The following TTN variants were observed in gnomAD, a reference collection of about 807,000 sequenced individuals.
TTN encodes connectin.
TTN carries 1,525 observed loss-of-function variants against 3,223.0 expected under a neutral mutation model. The observed-to-expected ratio is 0.47, with a 90% CI of 0.45 to 0.49. The LOEUF (loss-of-function observed/expected upper bound fraction) is 0.49, where lower values mean the gene tolerates loss of function less well. Ranked by LOEUF, TTN falls within the 20% of genes least tolerant of loss-of-function variation. The probability of loss-of-function intolerance (pLI) is 0.00; values close to 1 mark genes in which losing one functional copy is unlikely to be tolerated. For missense variants in TTN, 40,786 were observed against 43,424.0 expected (o/e 0.94, Z 5.40); for synonymous variants, 14,094 against 15,161.0 (o/e 0.93, Z 5.17).
intron 47 of TTN, chr2:178,746,628 C>T (rs771226007): frequency 9.3e-6 from 15 of 1,613,158 alleles, no homozygotes; most frequent in Admixed American, 1.7e-5. Context: ...ATGATGTTTA[C>T]AGCATGACAC....
chr2:178,584,973 A>G lies in TTN; in HGVS notation c.64673-5T>C, dbSNP rs530496528. 27 of 1,612,146 alleles carry G rather than the reference A, an allele frequency of 1.7e-5. No homozygotes were observed. Among genetic ancestry groups the G allele is most frequent in the African/African-American group, 2.7e-5 (2 of 74,772 alleles). On this transcript the variant is annotated splice_polypyrimidine_tract_variant and splice_region_variant and intron_variant, in intron 309 of 362. Transcript: ENST00000589042. ...GCTGAGGGGGGCCGGGGGCATCTAC[A>G]TGAACCAAGAGGAAAGAAATGTAAG...
Position 178,618,329 on chromosome 2 carries a change from C to T in TTN, c.47129G>A (p.Arg15710His), listed in dbSNP as rs185689179. Residue 15710 changes from arginine (R) to histidine (H), a missense_variant, in exon 252 of 363, where the codon CGT (arginine) becomes CAT (histidine). By Grantham distance (29) the Arg-to-His change is conservative. Transcript: ENST00000589042. Reference protein sequence around the residue: ...KRKTWVLATDRAESCEFTVTG... With the variant: ...KRKTWVLATDHAESCEFTVTG... Reference sequence around the variant, plus strand: ...GACAGTAAACTCACAACTCTCTGCACGGTCTGTGGCCAGAACCCAGGTCTT... The same window carrying T: ...GACAGTAAACTCACAACTCTCTGCATGGTCTGTGGCCAGAACCCAGGTCTT... The T allele has an allele frequency of 2.5e-5, 41 of 1,612,658 alleles. 1 individual carries two copies. Among genetic ancestry groups the T allele is most frequent in the East Asian group, 1.8e-4 (8 of 44,692 alleles).
At chr2:178,716,868 A>G (rs1438321335) in intron 88 of TTN, among the ~76,000 whole-genome samples, 7 of 152,074 alleles carry the variant, frequency 4.6e-5, no homozygotes, top group Non-Finnish European at 1.5e-5. Context: ...CTCTATTTTT[A>G]GTCTCTTAAA....
Position 178,535,097 on chromosome 2 carries a change from A to T in TTN, c.101518T>A (p.Ser33840Thr). 1 of 1,613,802 alleles carries T rather than the reference A, an allele frequency of 6.2e-7. No homozygotes were observed. The highest frequency in any genetic ancestry group is 8.5e-7 in the Non-Finnish European group (1 of 1,179,828). Reference sequence around the variant, plus strand: ...TTGGCCATGTATGTCTTCTTTGAGGATGTTTCAACACAACGATGGACAATT... The same window carrying T: ...TTGGCCATGTATGTCTTCTTTGAGGTTGTTTCAACACAACGATGGACAATT... ...FGIVHRCVET[S>T]SKKTYMAKFV... The change falls in exon 358 of 363, where the codon TCC (serine) becomes ACC (threonine). Residue 33840 changes from serine (S) to threonine (T), a missense_variant. By Grantham distance (58) the Ser-to-Thr change is moderately conservative. Transcript: ENST00000589042.
Position 178,663,340 on chromosome 2 carries a change from A to C in TTN, c.36626T>G (p.Val12209Gly). The stretch of plus-strand genomic sequence containing the variant: ...CTTTTCTGGGACAGCTGCCTTTGGC[A>C]CCTCTGGGACTTTAAAGATATTAGT... The part of the protein sequence containing the change: ...PEVPPTKVPE[V>G]PKAAVPEKKL... Residue 12209 changes from valine (V) to glycine (G), a missense_variant, in exon 173 of 363, where the codon GTG becomes GGG. Transcript: ENST00000589042. The C allele has an allele frequency of 6.3e-7, 1 of 1,588,108 alleles. No homozygotes were observed. The highest frequency in any genetic ancestry group is 8.5e-7 in the Non-Finnish European group (1 of 1,172,314).
chr2:178,598,701 C>T (rs2052461363), intron 291 of TTN, 47 bp from the exon 292 acceptor site: 1 of 1,602,640 alleles, frequency 6.2e-7, no homozygotes, highest in Non-Finnish European at 8.5e-7. Flanking sequence ...TTCCAAGGCA[C>T]TTTTGGAAAA....
chr2:178,770,710 A>C (rs1370727425), intron 34 of TTN, 35 bp from the exon 35 acceptor site: 1 of 1,601,074 alleles, frequency 6.2e-7, no homozygotes, highest in Non-Finnish European at 8.5e-7. Context: ...TAGAAAATAT[A>C]GATGACATCA....
In TTN at chr2:178,571,781, C is replaced by T; in HGVS notation, c.74351G>A (p.Gly24784Asp). Residue 24784 changes from glycine (G) to aspartate (D), a missense_variant, in exon 326 of 363, where the codon GGC (glycine) becomes GAC (aspartate). By Grantham distance (94) the Gly-to-Asp change is moderately conservative. Coordinates refer to ENST00000589042, the MANE Select transcript of TTN (RefSeq NM_001267550.2). The part of the protein sequence containing the change: ...TIKDACREDV[G>D]HYVVKLTNSA... ...GTTAGTCAGTTTAACCACATAATGG[C>T]CAACATCTTCTCGGCAGGCGTCCTT... 1.9e-6 allele frequency: 3 copies of T among 1,613,344 alleles called. No individual in the cohort carries two copies. The highest frequency in any genetic ancestry group is 2.2e-5 in the South Asian group (2 of 91,020).
At chr2:178,547,338 C>T (rs1380881704) in intron 339 of TTN, 33 bp from the exon 340 acceptor site, 2 of 1,576,430 alleles carry the variant, frequency 1.3e-6, no homozygotes, top group East Asian at 2.2e-5. Flanking sequence ...AGTATGAATA[C>T]AATTTTATAA....
At position 178,608,875 on chromosome 2, in the gene TTN, T is replaced by C. The variant is rs1323809346; in HGVS notation, c.52136A>G (p.Glu17379Gly). The C allele has an allele frequency of 1.9e-6, 3 of 1,611,138 alleles. No homozygotes were observed. The Admixed American group carries it at 5.0e-5, about 27-fold the overall frequency. ...TPGPPINFVF[E>G]DIRKTSVLCK... is the part of the protein sequence containing the mutation. ...AAGGACTGAGGTCTTTCTGATATCT[T>C]CAAATACAAAGTTGATTGGTGGTCC... is the stretch of plus-strand genomic sequence containing the variant. The change falls in exon 274 of 363, where the codon GAA (glutamate) becomes GGA (glycine). Residue 17379 changes from glutamate (E) to glycine (G), a missense_variant. Coordinates refer to ENST00000589042, the MANE Select transcript of TTN (RefSeq NM_001267550.2).
intron 132 of TTN, 87 bp downstream of exon 132, chr2:178,684,243 C>CAAT: frequency 6.9e-7 from 1 of 1,454,058 alleles, no homozygotes; most frequent in African/African-American, 1.4e-5. Context: ...ACAACAACAA[C>CAAT]AACAAAAACC....
rs573587073 is a variant in TTN, at chr2:178,674,368, T to C, written c.34654A>G (p.Ile11552Val). 12 of 1,597,034 alleles carry C rather than the reference T, an allele frequency of 7.5e-6. No individual in the cohort carries two copies. Among genetic ancestry groups the C allele is most frequent in the South Asian group, 5.7e-5 (5 of 87,886 alleles). ...PEEEPISEEE[I>V]PEEPPSIEEV... is the part of the protein sequence containing the mutation. The stretch of plus-strand genomic sequence containing the variant: ...TCTATGCTAGGTGGTTCTTCTGGGA[T>C]TTCTTCTTCTGAAATAGGCTCTTCT... The change falls in exon 151 of 363, where the codon ATC becomes GTC. Residue 11552 changes from isoleucine to valine, a missense_variant. By Grantham distance (29) the Ile-to-Val change is conservative. Coordinates refer to ENST00000589042, the MANE Select transcript of TTN (RefSeq NM_001267550.2).
intron 220 of TTN, 129 bp from the exon 221 acceptor site, chr2:178,640,759 A>G (rs1576803714): frequency 1.4e-6 from 1 of 708,632 alleles, no homozygotes; most frequent in East Asian, 3.2e-5. Flanking sequence ...TTATCAAGTA[A>G]TTTCTATTTT....
Position 178,589,640 on chromosome 2 carries a change from A to C in TTN, c.62085T>G (p.Asp20695Glu). Residue 20695 changes from aspartate to glutamate, a missense_variant, in exon 304 of 363, where the codon GAT becomes GAG. Coordinates refer to ENST00000589042, the MANE Select transcript of TTN (RefSeq NM_001267550.2). Reference protein sequence around the residue: ...VYLKWRRPDYDGGSPNLSYHV... With the variant: ...VYLKWRRPDYEGGSPNLSYHV... ...GATATGACAGATTTGGACTGCCACCATCATAGTCAGGCCTCCGCCACTTTA... is the reference window on the plus strand; with the variant it reads ...GATATGACAGATTTGGACTGCCACCCTCATAGTCAGGCCTCCGCCACTTTA... 1 of 1,613,430 alleles carries C rather than the reference A, an allele frequency of 6.2e-7. No homozygotes were observed. Among genetic ancestry groups the C allele is most frequent in the Non-Finnish European group, 8.5e-7 (1 of 1,179,584 alleles).
rs1553886767 is a variant in TTN at position 178,709,839 on chromosome 2, T to A, written c.28480A>T (p.Ser9494Cys). 1 of 1,611,978 alleles carries A rather than the reference T, an allele frequency of 6.2e-7. No homozygotes were observed. The highest frequency in any genetic ancestry group is 8.5e-7 in the Non-Finnish European group (1 of 1,178,790). ...LNIKERLIPP[S>C]FTKRLSETVE... ...GTCTCTGAGAGTCTTTTAGTGAAACTTGGTGGGATGAGCCGCTCTATAAGA... is the reference window on the plus strand; with the variant it reads ...GTCTCTGAGAGTCTTTTAGTGAAACATGGTGGGATGAGCCGCTCTATAAGA... The change falls in exon 99 of 363, where the codon AGT becomes TGT. Residue 9494 changes from serine (S) to cysteine (C), a missense_variant. Ser to Cys is a moderately radical substitution (Grantham distance 112). Coordinates refer to ENST00000589042, the MANE Select transcript of TTN (RefSeq NM_001267550.2).
In TTN at chr2:178,757,839, G is replaced by A; in HGVS notation, c.10381C>T (p.Leu3461Phe). The stretch of plus-strand genomic sequence containing the variant: ...TGGATGAAGCTGGGCTTTTGGCCAA[G>A]GGGCTCCTTCTTAAATGAAACTGAT... ...SLSVSFKKEPLGQKPSFIQPL... is the reference protein window; with the variant it reads ...SLSVSFKKEPFGQKPSFIQPL... The change falls in exon 45 of 363, where the codon CTT becomes TTT. Residue 3461 changes from leucine (L) to phenylalanine (F), a missense_variant. Leu to Phe is a conservative substitution (Grantham distance 22). Coordinates refer to ENST00000589042, the MANE Select transcript of TTN (RefSeq NM_001267550.2). 2 of 1,594,182 alleles carry A rather than the reference G, an allele frequency of 1.3e-6. No individual in the cohort carries two copies. Among genetic ancestry groups the A allele is most frequent in the Non-Finnish European group, 1.7e-6 (2 of 1,170,228 alleles).
chr2:178,611,322 TGC>T, intron 269 of TTN, 48 bp downstream of exon 269: 2 of 1,610,606 alleles, frequency 1.2e-6, no homozygotes, highest in Non-Finnish European at 1.7e-6. Context: ...CAAAATGCAA[TGC>T]ATGAATAAAG....
At chr2:178,748,485 C>T (rs1430676547) in intron 47 of TTN, 3 of 1,613,004 alleles carry the variant, frequency 1.9e-6, no homozygotes, top group Non-Finnish European at 2.5e-6. Context: ...TCCTGCTGTT[C>T]CCTAGTTTCT....
In TTN at chr2:178,587,409, C is replaced by T; in HGVS notation, c.63802G>A (p.Gly21268Arg). ...GAAACTTTTAAATCAGACACAGGCC[C>T]AGGAGTGTCTGTAAAGAATCATAAA... ...FVNVRVLDTP[G>R]PVSDLKVSDV... Residue 21268 changes from glycine (G) to arginine (R), a missense_variant, in exon 307 of 363, where the codon GGG becomes AGG. Physicochemically the swap from Gly to Arg is moderately radical, Grantham distance 125. Transcript: ENST00000589042. 1 of 1,608,660 alleles carries T rather than the reference C, an allele frequency of 6.2e-7. No individual in the cohort carries two copies. Among genetic ancestry groups the T allele is most frequent in the Non-Finnish European group, 8.5e-7 (1 of 1,177,322 alleles).
Sources: allele counts gnomAD v4.1 joint callset (sites outside exome capture counted in the v4.1 genomes callset), GRCh38; gene constraint gnomAD v4.1.1; transcripts MANE v1.5; gene names NCBI Gene and HGNC (gene_info 2026-07-23, HGNC 2026-07-21).